Variants in ATP8A1 observed in about 807,000 individuals in gnomAD.
ATP8A1 encodes the protein ATPase phospholipid transporting 8A1.
A neutral mutation model predicts 177.7 loss-of-function variants in ATP8A1; 90 were observed. The observed-to-expected ratio is 0.51, with a 90% CI of 0.43 to 0.60. The LOEUF is 0.60. Ranked by LOEUF, ATP8A1 falls within the 20% of genes least tolerant of loss-of-function variation. The pLI is 0.00. For missense variants in ATP8A1, 1,072 were observed against 1,392.8 expected, an observed-to-expected ratio of 0.77 and a Z score of 3.67; for synonymous variants, 493 against 485.9, an observed-to-expected ratio of 1.01 and a Z score of -0.19.
intron 35 of ATP8A1, among the ~76,000 whole-genome samples, chr4:42,421,824 TTCC>T (rs777459783): frequency 2.0e-5 from 3 of 152,130 alleles, no homozygotes; most frequent in African/African-American, 4.8e-5. Context: ...AAAAAATAAA[TTCC>T]TCCTCCTATC....
At chr4:42,568,575 T>A (rs1005801829) in intron 15 of ATP8A1, among the ~76,000 whole-genome samples, 1 of 152,150 alleles carries the variant, frequency 6.6e-6, no homozygotes, top group Non-Finnish European at 1.5e-5. Flanking sequence ...AATAGTGAAA[T>A]TAAACCCATA....
chr4:42,556,578 T>C (rs984700928), intron 15 of ATP8A1, among the ~76,000 whole-genome samples: 19 of 152,266 alleles, frequency 1.2e-4, no homozygotes, highest in African/African-American at 3.6e-4. Context: ...TTACATTTGT[T>C]CTGTAAATAT....
chr4:42,435,438 AAAAAAAAAAAAC>A (rs1287253536), intron 33 of ATP8A1, among the ~76,000 whole-genome samples: 3 of 97,924 alleles, frequency 3.1e-5, no homozygotes, highest in African/African-American at 1.2e-4. Context: ...AAAAAAAAAA[AAAAAAAAAAAAC>A]AAAAAAAAAA....
chr4:42,628,152 T>C (rs1349118178), intron 1 of ATP8A1, among the ~76,000 whole-genome samples: 2 of 152,256 alleles, frequency 1.3e-5, no homozygotes, highest in East Asian at 1.9e-4. Context: ...CGAATACATA[T>C]ACCCAATGAA....
chr4:42,470,501 T>C (rs1339595266), intron 25 of ATP8A1, among the ~76,000 whole-genome samples: 1 of 152,146 alleles, frequency 6.6e-6, no homozygotes, highest in Admixed American at 6.5e-5. Context: ...TAAAGGATAA[T>C]TTAAGGAATT....
chr4:42,455,678 C>A, intron 27 of ATP8A1, 79 bp from the exon 28 acceptor site: 1 of 1,262,690 alleles, frequency 7.9e-7, no homozygotes, highest in Non-Finnish European at 1.1e-6. Flanking sequence ...GTATACTCAA[C>A]TGCTGCATAA....
intron 20 of ATP8A1, among the ~76,000 whole-genome samples, chr4:42,543,493 A>G (rs920653437): frequency 1.3e-5 from 2 of 152,212 alleles, no homozygotes; most frequent in Non-Finnish European, 2.9e-5. Flanking sequence ...AATTAAAACA[A>G]TGCAAGACAA....
At chr4:42,415,887 G>A (rs1451989731) in intron 35 of ATP8A1, among the ~76,000 whole-genome samples, 2 of 152,086 alleles carry the variant, frequency 1.3e-5, no homozygotes, top group Non-Finnish European at 2.9e-5. Flanking sequence ...AAAAACCGAA[G>A]AAAAAATATT....
chr4:42,656,454 T>C (rs1158768123), intron 1 of ATP8A1, among the ~76,000 whole-genome samples: 1 of 151,140 alleles, frequency 6.6e-6, no homozygotes, highest in Non-Finnish European at 1.5e-5. Flanking sequence ...AGATAGGGGG[T>C]TGCAAAACGG....
chr4:42,550,196 C>CT (rs34752933), intron 18 of ATP8A1, among the ~76,000 whole-genome samples: 51 of 141,066 alleles, frequency 3.6e-4, no homozygotes, highest in South Asian at 6.7e-4. Flanking sequence ...TTGTGTCTGG[C>CT]TTTTTTTTTT....
intron 25 of ATP8A1, among the ~76,000 whole-genome samples, chr4:42,475,581 G>T (rs891425048): frequency 2.6e-5 from 4 of 150,980 alleles, no homozygotes; most frequent in African/African-American, 9.8e-5. Flanking sequence ...TATACTGTCA[G>T]GCAAAATATA....
intron 27 of ATP8A1, among the ~76,000 whole-genome samples, chr4:42,461,657 A>T (rs2153181898): frequency 6.6e-6 from 1 of 152,286 alleles, no homozygotes; most frequent in Non-Finnish European, 1.5e-5. Context: ...ACAGACTAAT[A>T]CAATAAATTG....
chr4:42,477,694 A>G (rs1174267529), intron 25 of ATP8A1, among the ~76,000 whole-genome samples: 1 of 151,934 alleles, frequency 6.6e-6, no homozygotes. Flanking sequence ...AAACTTGGCT[A>G]GGCGCAGTGG....
rs1300071083 is a variant in ATP8A1 at position 42,486,108 on chromosome 4, C to A, written c.2152-440G>T. Among the ~76,000 whole-genome samples, 3 of 152,292 alleles carry A rather than the reference C, an allele frequency of 2.0e-5. No homozygotes were observed. In the East Asian group the frequency reaches 5.8e-4, roughly 29 times the overall value. On this transcript the variant is annotated intron_variant, in intron 24 of 36. Transcript: ENST00000381668. ...AGTTTTGCCACGAGAGTACACTGAA[C>A]AAAGGAGACAGGGTCATTTATAACC...
At chr4:42,463,421 G>A (rs1311081170) in intron 27 of ATP8A1, among the ~76,000 whole-genome samples, 1 of 152,152 alleles carries the variant, frequency 6.6e-6, no homozygotes, top group Admixed American at 6.5e-5. Flanking sequence ...GATGCGACTC[G>A]CTCCTCCTTG....
intron 9 of ATP8A1, among the ~76,000 whole-genome samples, chr4:42,584,199 A>G (rs1171149470): frequency 6.6e-6 from 1 of 152,192 alleles, no homozygotes; most frequent in Non-Finnish European, 1.5e-5. Context: ...GCCAACATTT[A>G]GTTGGCCACT....
At chr4:42,495,534 A>C (rs1303422174) in intron 24 of ATP8A1, among the ~76,000 whole-genome samples, 5 of 152,186 alleles carry the variant, frequency 3.3e-5, no homozygotes, top group Non-Finnish European at 5.9e-5. Flanking sequence ...CAGGATCACT[A>C]GCTCTCTTTG....
At chr4:42,521,290 C>A (rs1245197486) in intron 22 of ATP8A1, among the ~76,000 whole-genome samples, 1 of 152,174 alleles carries the variant, frequency 6.6e-6, no homozygotes, top group Admixed American at 6.5e-5. Context: ...AGTGAGGATT[C>A]TGGCTCCCCC....
At chr4:42,573,834 A>G (rs772743467) in intron 14 of ATP8A1, among the ~76,000 whole-genome samples, 29 of 152,232 alleles carry the variant, frequency 1.9e-4, no homozygotes, top group Non-Finnish European at 3.4e-4. Flanking sequence ...CCATGCTTGT[A>G]TGAGTAGGAG....
Sources: gnomAD v4.1 joint callset for allele counts (sites outside exome capture counted in the v4.1 genomes callset) on GRCh38, gnomAD v4.1.1 for gene constraint, MANE v1.5 for transcripts, NCBI Gene and HGNC (gene_info 2026-07-23, HGNC 2026-07-21) for gene names.